PDK3: variants seen among roughly 807,000 people sequenced by gnomAD.
The protein encoded by PDK3 is pyruvate dehydrogenase kinase, isozyme 3.
PDK3 carries 12 observed loss-of-function variants against 32.0 expected under a neutral mutation model. The ratio of observed to expected loss-of-function variants is 0.37; its 90% CI spans 0.24 to 0.61. The LOEUF (loss-of-function observed/expected upper bound fraction) is 0.61, where lower values mean the gene tolerates loss of function less well. Ranked by LOEUF, PDK3 falls within the 20% of genes least tolerant of loss-of-function variation. The pLI, the probability that PDK3 is intolerant of heterozygous loss-of-function variation, is 0.65. For missense variants in PDK3, 188 were observed against 316.9 expected, an observed-to-expected ratio of 0.59 and a Z score of 3.09; for synonymous variants, 122 against 116.3, an observed-to-expected ratio of 1.05 and a Z score of -0.31.
At chrX:24,543,213 G>A (rs997657559) in exon 12 of PDK3, among the ~76,000 whole-genome samples, 2 of 112,014 alleles carry the variant, frequency 1.8e-5, no homozygotes, top group Non-Finnish European at 3.8e-5. Context: ...TATCAGTTTA[G>A]TCTGTTCTCT....
intron 5 of PDK3, among the ~76,000 whole-genome samples, chrX:24,514,773 C>G (rs1922210234): frequency 8.9e-6 from 1 of 111,737 alleles, no homozygotes; most frequent in Admixed American, 9.6e-5. Flanking sequence ...GTGACTCAGA[C>G]TTGATTTTCC....
chrX:24,513,498 C>A, intron 5 of PDK3: 1 of 142,976 alleles, frequency 7.0e-6, no homozygotes, highest in Non-Finnish European at 1.5e-5. Context: ...AAATAGATCT[C>A]GGATTCAGGT....
chrX:24,544,959 T>C (rs1922966767), exon 12 of PDK3, among the ~76,000 whole-genome samples: 2 of 112,477 alleles, frequency 1.8e-5, no homozygotes, highest in African/African-American at 6.5e-5. Context: ...GGGATTTTTG[T>C]TTACTGTTCT....
intron 5 of PDK3, among the ~76,000 whole-genome samples, chrX:24,506,317 G>T (rs1477226357): frequency 8.9e-6 from 1 of 111,904 alleles, no homozygotes; most frequent in Non-Finnish European, 1.9e-5. Context: ...TAACTTTGTG[G>T]TTGATCAGAA....
At chrX:24,470,719 GA>G (rs1212021526) in intron 1 of PDK3, among the ~76,000 whole-genome samples, 3 of 94,423 alleles carry the variant, frequency 3.2e-5, no homozygotes, top group Non-Finnish European at 6.5e-5. Context: ...AAGAAGAAAA[GA>G]AAAAAAGAAA....
chrX:24,519,456 G>A (rs1465453611), intron 6 of PDK3, among the ~76,000 whole-genome samples: 2 of 100,667 alleles, frequency 2.0e-5, no homozygotes, highest in Non-Finnish European at 3.9e-5. Context: ...TGCAGCCTCT[G>A]CCTTCCAGGT....
chrX:24,541,519 A>C (rs961287348), exon 12 of PDK3, among the ~76,000 whole-genome samples: 5 of 112,281 alleles, frequency 4.5e-5, no homozygotes, highest in Non-Finnish European at 7.5e-5. Flanking sequence ...TTCATGACTT[A>C]ATCGGTAGTT....
In PDK3 at chrX:24,494,754, C is replaced by T. The variant is rs1389849750; in HGVS notation, c.119C>T (p.Ala40Val). 1 of 1,189,477 alleles carries T rather than the reference C, an allele frequency of 8.4e-7. No individual in the cohort carries two copies. Among genetic ancestry groups the T allele is most frequent in the Non-Finnish European group, 1.1e-6 (1 of 877,960 alleles). The change falls in exon 2 of 11, where the codon GCA (alanine) becomes GTA (valine). Residue 40 changes from alanine to valine, a missense_variant. Ala to Val is a moderately conservative substitution (Grantham distance 64, BLOSUM62 0). Transcript: ENST00000379162. ...CATGTCTTAATAGGGAGAGATAATG[C>T]ATGTGAGAAAACTTCATATATGTTT... ...KQFLDFGRDN[A>V]CEKTSYMFLR...
intron 1 of PDK3, among the ~76,000 whole-genome samples, chrX:24,479,407 G>T (rs769352124): frequency 8.9e-6 from 1 of 111,846 alleles, no homozygotes; most frequent in South Asian, 3.7e-4. Context: ...ATTCTCTACC[G>T]TGTTATCTCT....
downstream of PDK3, among the ~76,000 whole-genome samples, chrX:24,536,824 C>T (rs1922786522): frequency 9.0e-6 from 1 of 111,295 alleles, no homozygotes; most frequent in Non-Finnish European, 1.9e-5. Flanking sequence ...CATAGGTTCT[C>T]TTCTTGAATT....
exon 12 of PDK3, chrX:24,547,322 C>T (rs1393285685): frequency 1.8e-5 from 2 of 112,188 alleles, no homozygotes; most frequent in Non-Finnish European, 3.8e-5. Flanking sequence ...TTTCTCTGTT[C>T]TATAAATCTC....
chrX:24,543,840 A>G (rs917790908), exon 12 of PDK3, among the ~76,000 whole-genome samples: 1 of 111,820 alleles, frequency 8.9e-6, no homozygotes, highest in African/African-American at 3.2e-5. Context: ...TTTTGTCTAC[A>G]GTTTTAGTGG....
chrX:24,548,820 G>A (rs188663238), exon 12 of PDK3: 33 of 112,186 alleles, frequency 2.9e-4, no homozygotes, highest in African/African-American at 1.1e-3. Flanking sequence ...AGTGAAATCC[G>A]ATTGGAAGTC....
chrX:24,515,848 T>C (rs1253834132), intron 5 of PDK3, among the ~76,000 whole-genome samples: 1 of 112,059 alleles, frequency 8.9e-6, no homozygotes, highest in East Asian at 2.8e-4. Flanking sequence ...TCTATTTTCA[T>C]ACTGATCAAC....
rs373268501 is a variant in PDK3, at chrX:24,519,654, G to A, written c.673+644G>A. ...CAAAGTGCTGGGATTACAGGCGTGA[G>A]CCACCGTGCCCAGCCAAAAATGCCA... On this transcript the variant is annotated intron_variant, in intron 6 of 10. Transcript: ENST00000379162. Among the ~76,000 whole-genome samples, 25 of 111,508 alleles carry A rather than the reference G, an allele frequency of 2.2e-4. No homozygotes were observed. In the East Asian group the frequency reaches 6.8e-3, roughly 30 times the overall value.
intron 1 of PDK3, among the ~76,000 whole-genome samples, chrX:24,484,562 A>G (rs1569219567): frequency 8.9e-6 from 1 of 111,839 alleles, no homozygotes; most frequent in East Asian, 2.8e-4. Flanking sequence ...AAAAGAGCAA[A>G]CAAACAGGAT....
At chrX:24,527,310 A>G (rs2148201575) in intron 7 of PDK3, among the ~76,000 whole-genome samples, 1 of 106,165 alleles carries the variant, frequency 9.4e-6, no homozygotes, top group South Asian at 4.0e-4. Flanking sequence ...AAAAAAAAAG[A>G]GGAAGAAGAA....
chrX:24,472,581 A>C (rs1336111895), intron 1 of PDK3, among the ~76,000 whole-genome samples: 1 of 110,964 alleles, frequency 9.0e-6, no homozygotes, highest in Admixed American at 9.6e-5. Context: ...GTTGGGTTAA[A>C]TGGAATATTA....
chrX:24,468,734 A>G (rs554071503), intron 1 of PDK3, among the ~76,000 whole-genome samples: 1 of 112,494 alleles, frequency 8.9e-6, no homozygotes, highest in African/African-American at 3.2e-5. Context: ...CTCCATCTTG[A>G]CTTGAAATAT....
Sources: allele counts gnomAD v4.1 joint callset (sites outside exome capture counted in the v4.1 genomes callset), GRCh38; gene constraint gnomAD v4.1.1; transcripts MANE v1.5; gene names NCBI Gene and HGNC (gene_info 2026-07-23, HGNC 2026-07-21).